Variants in GREB1L observed in about 807,000 individuals in gnomAD.
GREB1L encodes GREB1-like protein.
GREB1L carries 17 observed loss-of-function variants against 200.8 expected under a neutral mutation model. The observed-to-expected ratio is 0.08, with a 90% CI of 0.06 to 0.13. GREB1L has a LOEUF of 0.13. GREB1L is among the 10% of genes least tolerant of loss of function. The pLI, the probability that GREB1L is intolerant of heterozygous loss-of-function variation, is 1.00. For missense variants in GREB1L, 1,657 were observed against 2,367.7 expected, an observed-to-expected ratio of 0.70 and a Z score of 6.23; for synonymous variants, 789 against 893.0, an observed-to-expected ratio of 0.88 and a Z score of 2.08.
chr18:21,276,761 A>G (rs2038171652), intron 1 of GREB1L, among the ~76,000 whole-genome samples: 1 of 152,036 alleles, frequency 6.6e-6, no homozygotes, highest in Non-Finnish European at 1.5e-5. Context: ...AAAAAAAGGA[A>G]GAAAGGGAAG....
chr18:21,452,150 C>A lies in GREB1L; in HGVS notation c.1917C>A (p.Phe639Leu), dbSNP rs1317224331. The A allele has an allele frequency of 1.3e-6, 2 of 1,551,904 alleles. No homozygotes were observed. Among genetic ancestry groups the A allele is most frequent in the East Asian group, 4.9e-5 (2 of 40,918 alleles). Residue 639 changes from phenylalanine to leucine, a missense_variant, in exon 14 of 33, where the codon TTC (phenylalanine) becomes TTA (leucine). Coordinates refer to ENST00000424526, the MANE Select transcript of GREB1L (RefSeq NM_001142966.3). ...QRRGDSVVTP[F>L]DGDLNECVSP... Reference sequence around the variant, plus strand: ...GAGGAGACAGTGTGGTTACCCCTTTCGATGGAGACCTTAATGAATGTGTGT... The same window carrying A: ...GAGGAGACAGTGTGGTTACCCCTTTAGATGGAGACCTTAATGAATGTGTGT...
At chr18:21,510,418 A>G (rs1409604330) in intron 27 of GREB1L, among the ~76,000 whole-genome samples, 2 of 152,070 alleles carry the variant, frequency 1.3e-5, no homozygotes, top group Non-Finnish European at 2.9e-5. Flanking sequence ...TAAGTGCCTC[A>G]TATCAGTGGA....
chr18:21,316,790 G>A (rs1187242271), intron 1 of GREB1L: 1 of 135,258 alleles, frequency 7.4e-6, no homozygotes, highest in Non-Finnish European at 1.5e-5. Flanking sequence ...TTGAGACGGA[G>A]TCTTGGTCTG....
intron 12 of GREB1L, among the ~76,000 whole-genome samples, chr18:21,450,469 C>A (rs2034465216): frequency 6.6e-6 from 1 of 152,248 alleles, no homozygotes; most frequent in Non-Finnish European, 1.5e-5. Context: ...TTTGACAAAA[C>A]CTGTCTGCCC....
chr18:21,281,472 G>T (rs1481587822), intron 1 of GREB1L, among the ~76,000 whole-genome samples: 4 of 152,120 alleles, frequency 2.6e-5, no homozygotes, highest in Admixed American at 6.5e-5. Flanking sequence ...AAATGCATTT[G>T]TACAATCTGC....
chr18:21,425,661 T>C (rs2032508139), intron 7 of GREB1L, among the ~76,000 whole-genome samples: 1 of 152,270 alleles, frequency 6.6e-6, no homozygotes, highest in Admixed American at 6.5e-5. Flanking sequence ...CATCTTGTCA[T>C]GTGCTTATTG....
Position 21,285,634 on chromosome 18 carries a change from A to G in GREB1L, c.-120+43241A>G, listed in dbSNP as rs78645705. On this transcript the variant is annotated intron_variant, in intron 1 of 32. Transcript: ENST00000424526. ...CTCCTCAAAATGTTCTTTGTGGTTC[A>G]TGCCATAGGAGCACTTATTTAAATA... Among the ~76,000 whole-genome samples the G allele has an allele frequency of 1.8e-3, 278 of 152,348 alleles. 4 individuals are homozygous for G. The East Asian group carries it at 0.042, about 23-fold the overall frequency.
In GREB1L at chr18:21,496,591, G is replaced by A. The variant is rs779243786; in HGVS notation, c.3284G>A (p.Ser1095Asn). 1 of 1,551,598 alleles carries A rather than the reference G, an allele frequency of 6.4e-7. No individual in the cohort carries two copies. Among genetic ancestry groups the A allele is most frequent in the African/African-American group, 1.4e-5 (1 of 73,054 alleles). ...IRGPTVALDL[S>N]GKEQERAAVS... Reference sequence around the variant, plus strand: ...GGACCCACTGTTGCCCTGGACCTCAGCGGGAAGGAGCAGGAGAGAGCTGCT... The same window carrying A: ...GGACCCACTGTTGCCCTGGACCTCAACGGGAAGGAGCAGGAGAGAGCTGCT... The change falls in exon 21 of 33, where the codon AGC becomes AAC. Residue 1095 changes from serine (S) to asparagine (N), a missense_variant. Transcript: ENST00000424526.
intron 2 of GREB1L, 58 bp from the exon 3 acceptor site, chr18:21,383,452 C>A: frequency 7.8e-7 from 1 of 1,284,912 alleles, no homozygotes; most frequent in Non-Finnish European, 1.0e-6. Flanking sequence ...TACTTTGAGA[C>A]ATAGAACCTC....
chr18:21,499,797 CCCAGCTTTCAGAGCCCAGCCA>C lies in GREB1L; in HGVS notation c.3468_3488del (p.Phe1156_Ser1162del). The C allele has an allele frequency of 5.2e-6, 8 of 1,551,980 alleles. No homozygotes were observed. Among genetic ancestry groups the C allele is most frequent in the Non-Finnish European group, 7.0e-6 (8 of 1,147,048 alleles). On this transcript the variant is annotated inframe_deletion, in exon 22 of 33. Transcript: ENST00000424526. ...CAAGTCCCAGAAGCAGTCCCTGACC[CCCAGCTTTCAGAGCCCAGCCA>C]CCAGCTTGGGGCTGGATGAAGGGGT...
At chr18:21,359,493 C>T (rs1370614737) in intron 1 of GREB1L, among the ~76,000 whole-genome samples, 2 of 152,190 alleles carry the variant, frequency 1.3e-5, no homozygotes, top group Admixed American at 6.5e-5. Flanking sequence ...TCAGTCAAGT[C>T]TTATTCAAGT....
At chr18:21,328,960 G>T (rs1372108117) in intron 1 of GREB1L, among the ~76,000 whole-genome samples, 1 of 152,096 alleles carries the variant, frequency 6.6e-6, no homozygotes, top group African/African-American at 2.4e-5. Flanking sequence ...TGAAATGTGG[G>T]GGAGCTGGGA....
At chr18:21,364,052 CT>C (rs1220711052) in intron 1 of GREB1L, among the ~76,000 whole-genome samples, 4 of 151,862 alleles carry the variant, frequency 2.6e-5, no homozygotes, top group African/African-American at 9.7e-5. Context: ...TTTGTTTTTT[CT>C]TTTTTTCTTT....
intron 32 of GREB1L, among the ~76,000 whole-genome samples, chr18:21,521,756 C>A (rs557395066): frequency 6.6e-6 from 1 of 152,056 alleles, no homozygotes; most frequent in African/African-American, 2.4e-5. Flanking sequence ...GTAATCCCAG[C>A]ACTTTGGGAG....
At chr18:21,323,452 AG>A (rs2038979903) in intron 1 of GREB1L, among the ~76,000 whole-genome samples, 1 of 152,240 alleles carries the variant, frequency 6.6e-6, no homozygotes, top group African/African-American at 2.4e-5. Context: ...AAATGAATAA[AG>A]AATATGAACA....
intron 27 of GREB1L, among the ~76,000 whole-genome samples, chr18:21,509,654 C>T (rs772696377): frequency 6.6e-6 from 1 of 152,076 alleles, no homozygotes; most frequent in African/African-American, 2.4e-5. Context: ...ATTAAGGCTT[C>T]TGAATATTTC....
rs113699284 is a variant in GREB1L, at chr18:21,312,795, G to A, written c.-119-53232G>A. ...TCTTGATCTCTTGAGTTTGTGATCC[G>A]CCCACCTTGGCCTCCCAAAATTCTG... On this transcript the variant is annotated intron_variant, in intron 1 of 32. Coordinates refer to ENST00000424526, the MANE Select transcript of GREB1L (RefSeq NM_001142966.3). Among the ~76,000 whole-genome samples the A allele has an allele frequency of 1.9e-3, 285 of 152,128 alleles. 2 individuals are homozygous for A. Among genetic ancestry groups the A allele is most frequent in the Middle Eastern group, 0.014 (4 of 294 alleles).
chr18:21,490,213 G>A lies in GREB1L; in HGVS notation c.2892G>A (p.Ser964=), dbSNP rs1464771852. Residue 964 remains serine (S), a synonymous_variant, in exon 19 of 33, where the codon TCG becomes TCA. Coordinates refer to ENST00000424526, the MANE Select transcript of GREB1L (RefSeq NM_001142966.3). ...ACATGCTCATTATCAGGGTGCCCTC[G>A]GTGCAGCTGGCGATGTTAGCCAAGG... ...RGHMLIIRVP[S]VQLAMLAKER... The A allele has an allele frequency of 7.1e-6, 11 of 1,551,766 alleles. No homozygotes were observed. In the African/African-American group the frequency reaches 8.2e-5, roughly 12 times the overall value.
At chr18:21,484,062 T>G (rs1003168807) in intron 17 of GREB1L, among the ~76,000 whole-genome samples, 2 of 151,890 alleles carry the variant, frequency 1.3e-5, no homozygotes, top group Admixed American at 1.3e-4. Context: ...CTGGCATGCA[T>G]TTTAGGGAAT....
Sources: gnomAD v4.1 joint callset for allele counts (sites outside exome capture counted in the v4.1 genomes callset) on GRCh38, gnomAD v4.1.1 for gene constraint, MANE v1.5 for transcripts, NCBI Gene and HGNC (gene_info 2026-07-23, HGNC 2026-07-21) for gene names.